The following FHOD3 variants were observed in gnomAD, a reference collection of about 807,000 sequenced individuals.
FHOD3 encodes formin homology 2 domain containing 3.
Under a neutral mutation model 173.0 loss-of-function variants are expected in FHOD3, and 90 were observed. The ratio of observed to expected loss-of-function variants is 0.52; its 90% CI spans 0.44 to 0.62. The LOEUF (loss-of-function observed/expected upper bound fraction) is 0.62, where lower values mean the gene tolerates loss of function less well. Among genes scored for constraint, FHOD3 ranks in the 20% least tolerant of loss-of-function variants. The pLI, the probability that FHOD3 is intolerant of heterozygous loss-of-function variation, is 0.00. For synonymous variants in FHOD3, 828 were observed against 823.0 expected, an observed-to-expected ratio of 1.01 and a Z score of -0.10; for missense variants, 1,945 against 2,034.7, an observed-to-expected ratio of 0.96 and a Z score of 0.85.
intron 3 of FHOD3, among the ~76,000 whole-genome samples, chr18:36,465,905 T>C (rs748843792): frequency 2.0e-5 from 3 of 152,150 alleles, no homozygotes; most frequent in Non-Finnish European, 2.9e-5. Context: ...CATAGGGACA[T>C]TTCGCCTACT....
At chr18:36,369,492 CACACACATAT>C (rs1327397510) in intron 2 of FHOD3, among the ~76,000 whole-genome samples, 7 of 119,104 alleles carry the variant, frequency 5.9e-5, no homozygotes, top group Non-Finnish European at 1.2e-4. Context: ...CACACACACA[CACACACATAT>C]ATATAGAGAG....
chr18:36,665,967 A>G (rs925855336), intron 14 of FHOD3, among the ~76,000 whole-genome samples: 1 of 152,152 alleles, frequency 6.6e-6, no homozygotes, highest in African/African-American at 2.4e-5. Flanking sequence ...TGGAGGGTGG[A>G]AATTAAGAGG....
At chr18:36,644,954 C>A (rs894038936) in intron 10 of FHOD3, among the ~76,000 whole-genome samples, 1 of 152,088 alleles carries the variant, frequency 6.6e-6, no homozygotes, top group Admixed American at 6.5e-5. Context: ...AGAGGCCCAT[C>A]GGTTGGCAAG....
At position 36,658,161 on chromosome 18, in the gene FHOD3, C is replaced by T. The variant is rs748547151; in HGVS notation, c.1808C>T (p.Ser603Leu). 10 of 1,589,426 alleles carry T rather than the reference C, an allele frequency of 6.3e-6. No individual in the cohort carries two copies. The highest frequency in any genetic ancestry group is 6.0e-6 in the Non-Finnish European group (7 of 1,170,458). Residue 603 changes from serine (S) to leucine (L), a missense_variant, in exon 14 of 29, where the codon TCA (serine) becomes TTA (leucine). Physicochemically the swap from Ser to Leu is moderately radical, Grantham distance 145. This residue lies in a region of FHOD3 where 1,099 missense variants were observed against 1,051.2 expected (regional missense o/e 1.05). Transcript: ENST00000590592. ...CCCACCACCCCCACATCATCCGTCT[C>T]ACCCCCACAGGAGGCCAGGTTGGAA... ...SVPTTPTSSV[S>L]PPQEARLERS...
At chr18:36,744,616 C>G (rs887499960) in intron 23 of FHOD3, among the ~76,000 whole-genome samples, 3 of 152,356 alleles carry the variant, frequency 2.0e-5, no homozygotes, top group African/African-American at 7.2e-5. Context: ...AAACAGGGCC[C>G]TCCCGGCTCC....
Position 36,625,535 on chromosome 18 carries a change from G to A in FHOD3, c.982G>A (p.Asp328Asn), listed in dbSNP as rs746438278. The change falls in exon 10 of 29, where the codon GAT becomes AAT. Residue 328 changes from aspartate to asparagine, a missense_variant. Physicochemically the swap from Asp to Asn is conservative, Grantham distance 23. Around this residue, in one of 5 missense-constraint regions of FHOD3, gnomAD observed 1,099 missense variants for 1,051.2 expected, o/e 1.05. Coordinates refer to ENST00000590592, the MANE Select transcript of FHOD3 (RefSeq NM_001281740.3). ...YEVALRHEDG[D>N]ETTEPPPSGC... ...GGTGGCGCTCAGGCACGAGGATGGCGATGAGACCACGGAGCCACCCCCCAG... is the reference window on the plus strand; with the variant it reads ...GGTGGCGCTCAGGCACGAGGATGGCAATGAGACCACGGAGCCACCCCCCAG... 11 of 1,458,702 alleles carry A rather than the reference G, an allele frequency of 7.5e-6. No homozygotes were observed. The East Asian group carries it at 1.0e-4, about 14-fold the overall frequency. The allele number at this position is 1,458,702 out of a possible 1,614,324, so 90.4% of individuals were successfully genotyped here. A position where few individuals can be genotyped will look rare whatever the true frequency, so the allele number is the denominator to read the frequency against.
chr18:36,419,949 C>T (rs2049902227), intron 3 of FHOD3, among the ~76,000 whole-genome samples: 1 of 152,260 alleles, frequency 6.6e-6, no homozygotes, highest in Non-Finnish European at 1.5e-5. Flanking sequence ...AGCTTTGCCA[C>T]TTCCTTGAGG....
intron 15 of FHOD3, 109 bp downstream of exon 15, chr18:36,681,679 C>A: frequency 1.5e-6 from 2 of 1,307,206 alleles, no homozygotes; most frequent in Non-Finnish European, 2.1e-6. Context: ...AATGAAAATT[C>A]TGTCTGTATT....
intron 4 of FHOD3, among the ~76,000 whole-genome samples, chr18:36,505,939 T>G (rs1347005851): frequency 6.6e-6 from 1 of 152,152 alleles, no homozygotes; most frequent in Non-Finnish European, 1.5e-5. Flanking sequence ...TTTAAAAGAG[T>G]GCATTTCTTA....
At position 36,758,242 on chromosome 18, in the gene FHOD3, A is replaced by C. The variant is rs1039811036; in HGVS notation, c.4426-876A>C. 2.0e-5 allele frequency among the ~76,000 whole-genome samples: 3 copies of C among 152,200 alleles called. No homozygotes were observed. The East Asian group carries it at 5.8e-4, about 29-fold the overall frequency. ...AAGTGGTTTGTCATTTTAACTTCCA[A>C]AAGCATAGTTCATTCTCAAAACACT... On this transcript the variant is annotated intron_variant, in intron 25 of 28. Transcript: ENST00000590592.
chr18:36,690,911 C>A (rs747782671), intron 16 of FHOD3, among the ~76,000 whole-genome samples: 6 of 152,114 alleles, frequency 3.9e-5, no homozygotes, highest in African/African-American at 9.7e-5. Flanking sequence ...ACTCACCATC[C>A]CTCTACCTCT....
intron 15 of FHOD3, among the ~76,000 whole-genome samples, chr18:36,683,020 A>G (rs2149414257): frequency 6.6e-6 from 1 of 152,250 alleles, no homozygotes; most frequent in South Asian, 2.1e-4. Context: ...GCTAATCCTC[A>G]TTTTTCTAAG....
rs1405818047 is a variant in FHOD3, at chr18:36,482,854, C to CAGAGAGAGAG, written c.338-19077_338-19076insGAGAGAGAGA. On this transcript the variant is annotated intron_variant, in intron 3 of 28. Transcript: ENST00000590592. ...ACACACACACACACACACTCACACA[C>CAGAGAGAGAG]ACACAGAGAGAGAGAGAGAGAGAGA... Among the ~76,000 whole-genome samples, 289 of 97,818 alleles carry CAGAGAGAGAG rather than the reference C, an allele frequency of 3.0e-3. 1 individual carries two copies. Among genetic ancestry groups the CAGAGAGAGAG allele is most frequent in the African/African-American group, 0.012 (277 of 24,044 alleles). 64.2% of individuals were successfully genotyped at this position (97,818 alleles called of 152,430 possible). A position where few individuals can be genotyped will look rare whatever the true frequency, so the allele number is the denominator to read the frequency against.
intron 3 of FHOD3, among the ~76,000 whole-genome samples, chr18:36,445,233 C>G (rs2051399326): frequency 6.6e-6 from 1 of 152,156 alleles, no homozygotes; most frequent in Non-Finnish European, 1.5e-5. Flanking sequence ...GAGGCCAGTT[C>G]AGGACTTAGA....
At chr18:36,355,723 A>G in intron 2 of FHOD3, 78 bp downstream of exon 2, 1 of 1,140,786 alleles carries the variant, frequency 8.8e-7, no homozygotes, top group Non-Finnish European at 1.3e-6. Context: ...TAAAGTATTT[A>G]GGAGGAACTA....
At chr18:36,777,750 CTTG>C (rs1242577059) in intron 28 of FHOD3, 2 of 152,124 alleles carry the variant, frequency 1.3e-5, no homozygotes, top group Non-Finnish European at 2.9e-5. Flanking sequence ...AACATTTTGT[CTTG>C]TTGAGCCAAA....
At chr18:36,401,538 A>C (rs2048811887) in intron 3 of FHOD3, among the ~76,000 whole-genome samples, 1 of 152,222 alleles carries the variant, frequency 6.6e-6, no homozygotes. Context: ...TTCAGAGAGC[A>C]CTAGACCAAG....
intron 3 of FHOD3, among the ~76,000 whole-genome samples, chr18:36,462,532 T>G (rs961030078): frequency 6.6e-6 from 1 of 152,008 alleles, no homozygotes; most frequent in Non-Finnish European, 1.5e-5. Context: ...GGGGTTTCAC[T>G]GTGTTAGCAA....
intron 15 of FHOD3, among the ~76,000 whole-genome samples, chr18:36,682,210 A>C (rs910007704): frequency 2.6e-5 from 4 of 152,054 alleles, no homozygotes; most frequent in Admixed American, 6.5e-5. Context: ...TGTTCTCCAC[A>C]TTCTCCAGGT....
Sources: gnomAD v4.1 joint callset for allele counts (sites outside exome capture counted in the v4.1 genomes callset) on GRCh38, gnomAD v4.1.1 for gene constraint, gnomAD v4.1.1 regional missense constraint, MANE v1.5 for transcripts, NCBI Gene and HGNC (gene_info 2026-07-23, HGNC 2026-07-21) for gene names.